The following C1orf53 variants were observed in gnomAD, a reference collection of about 807,000 sequenced individuals.
The protein encoded by C1orf53 is chromosome 1 open reading frame 53.
In C1orf53, 23 loss-of-function variants were observed where a neutral mutation model predicts 17.5. The observed-to-expected ratio is 1.31, with a 90% confidence interval of 0.94 to 1.86. The LOEUF (loss-of-function observed/expected upper bound fraction) is 1.86, where lower values mean the gene tolerates loss of function less well. Among genes scored for constraint, C1orf53 ranks in the 40% most tolerant of loss-of-function variants. C1orf53 has a pLI of 0.00. For synonymous variants in C1orf53, 108 were observed against 81.9 expected, an observed-to-expected ratio of 1.32 and a Z score of -1.72; for missense variants, 255 against 193.2, an observed-to-expected ratio of 1.32 and a Z score of -1.89.
chr1:197,905,635 T>A, intron 1 of C1orf53, 161 bp from the exon 2 acceptor site: 1 of 595,924 alleles, frequency 1.7e-6, no homozygotes, highest in Non-Finnish European at 3.0e-6. Context: ...TGTATAATGC[T>A]GGAGTGCATT....
intron 1 of C1orf53, among the ~76,000 whole-genome samples, chr1:197,905,063 C>T (rs1659502335): frequency 6.6e-6 from 1 of 152,168 alleles, no homozygotes; most frequent in African/African-American, 2.4e-5. Context: ...TTACTTTTCC[C>T]TTCCCACAAA....
chr1:197,906,060 T>C (rs1269521405), intron 2 of C1orf53, among the ~76,000 whole-genome samples, 163 bp downstream of exon 2: 1 of 152,218 alleles, frequency 6.6e-6, no homozygotes, highest in Admixed American at 6.5e-5. Context: ...AGTACCAACA[T>C]AGGACTTTTA....
chr1:197,905,884 C>G lies in C1orf53; in HGVS notation c.353C>G (p.Ser118Cys). 6.2e-7 allele frequency: 1 copy of G among 1,613,384 alleles called. No individual in the cohort carries two copies. The highest frequency in any genetic ancestry group is 1.7e-4 in the Middle Eastern group (1 of 6,058). Reference protein sequence around the residue: ...AHLQRGECCGSACRHCPYGQV... With the variant: ...AHLQRGECCGCACRHCPYGQV... ...TTGCAAAGAGGTGAATGTTGTGGCT[C>G]TGCGTGCAGACATGTGAGTAGCAAT... The change falls in exon 2 of 3, where the codon TCT becomes TGT. Residue 118 changes from serine to cysteine, a missense_variant. Ser to Cys is a moderately radical substitution (Grantham distance 112, BLOSUM62 -1). Transcript: ENST00000367393.
Position 197,907,143 on chromosome 1 carries a change from C to T in C1orf53, c.367-6C>T. The T allele has an allele frequency of 1.3e-6, 2 of 1,508,568 alleles. No individual in the cohort carries two copies. Among genetic ancestry groups the T allele is most frequent in the South Asian group, 1.2e-5 (1 of 82,776 alleles). 93.4% of individuals were successfully genotyped at this position (1,508,568 alleles called of 1,614,324 possible). On this transcript the variant is annotated splice_polypyrimidine_tract_variant and splice_region_variant and intron_variant, in intron 2 of 2. Coordinates refer to ENST00000367393, the MANE Select transcript of C1orf53 (RefSeq NM_001024594.3). ...TTAATAATAATTTGTTTTATTTCTTCTGCAGTGTCCATATGGTCAAGTCAA... is the reference window on the plus strand; with the variant it reads ...TTAATAATAATTTGTTTTATTTCTTTTGCAGTGTCCATATGGTCAAGTCAA...
Position 197,902,925 on chromosome 1 carries a change from T to G in C1orf53, c.264+12T>G. ...CTGCCGCCTGCGCGGTGAGACTCCC[T>G]CCTGCCCGCCCCGCCCCGCCGCGGC... On this transcript the variant is annotated intron_variant, in intron 1 of 2. Coordinates refer to ENST00000367393, the MANE Select transcript of C1orf53 (RefSeq NM_001024594.3). 7.2e-7 allele frequency: 1 copy of G among 1,381,504 alleles called. No homozygotes were observed. Among genetic ancestry groups the G allele is most frequent in the South Asian group, 1.7e-5 (1 of 60,486 alleles). 85.6% of individuals were successfully genotyped at this position (1,381,504 alleles called of 1,614,324 possible). A position where few individuals can be genotyped will look rare whatever the true frequency, so the allele number is the denominator to read the frequency against.
In C1orf53 at chr1:197,902,741, C is replaced by T; in HGVS notation, c.92C>T (p.Ala31Val). ...CCGCCAGCACCTCTCTGGGTAAGAG[C>T]TGGGTTCCGACAGCAGCTCAGCTTA... ...APPPAPLWVR[A>V]GFRQQLSLTL... Residue 31 changes from alanine to valine, a missense_variant, in exon 1 of 3, where the codon GCT (alanine) becomes GTT (valine). By Grantham distance (64) the Ala-to-Val change is moderately conservative. Coordinates refer to ENST00000367393, the MANE Select transcript of C1orf53 (RefSeq NM_001024594.3). The T allele has an allele frequency of 6.4e-7, 1 of 1,565,982 alleles. No homozygotes were observed. Among genetic ancestry groups the T allele is most frequent in the Admixed American group, 1.8e-5 (1 of 55,860 alleles).
chr1:197,906,352 C>T (rs187835384), intron 2 of C1orf53, among the ~76,000 whole-genome samples: 233 of 151,762 alleles, frequency 1.5e-3, no homozygotes, highest in African/African-American at 5.5e-3. Flanking sequence ...TCCTTCCCTC[C>T]CTCCCTTTTT....
rs1446147545 is a variant in C1orf53 at position 197,907,328 on chromosome 1, T to C, written c.*108T>C. The C allele has an allele frequency of 7.5e-6, 4 of 533,132 alleles. No individual in the cohort carries two copies. In the African/African-American group the frequency reaches 8.0e-5, roughly 11 times the overall value. The allele number at this position is 533,132 out of a possible 1,614,324, so 33.0% of individuals were successfully genotyped here. On this transcript the variant is annotated 3_prime_UTR_variant, in exon 3 of 3. Coordinates refer to ENST00000367393, the MANE Select transcript of C1orf53 (RefSeq NM_001024594.3). Reference sequence around the variant, plus strand: ...ACTTGAACACTAGTTTAATCCTAAATACATATATTAAAAGAACATCAATAA... The same window carrying C: ...ACTTGAACACTAGTTTAATCCTAAACACATATATTAAAAGAACATCAATAA...
chr1:197,902,984 C>G (rs192916279), intron 1 of C1orf53, 71 bp downstream of exon 1: 1 of 1,280,088 alleles, frequency 7.8e-7, no homozygotes, highest in Non-Finnish European at 9.9e-7. Context: ...GCATCCCGGG[C>G]CTCTCCGGAC....
chr1:197,906,180 A>G (rs1659521376), intron 2 of C1orf53, among the ~76,000 whole-genome samples: 1 of 152,206 alleles, frequency 6.6e-6, no homozygotes, highest in Non-Finnish European at 1.5e-5. Context: ...ATGGGGTTTC[A>G]AATAAGTTGT....
chr1:197,904,050 A>G (rs757832519), intron 1 of C1orf53, among the ~76,000 whole-genome samples: 10 of 152,236 alleles, frequency 6.6e-5, no homozygotes, highest in African/African-American at 1.4e-4. Context: ...GGAAATTCAC[A>G]TTTGTTTCAT....
At chr1:197,903,986 A>G (rs1659481312) in intron 1 of C1orf53, among the ~76,000 whole-genome samples, 1 of 152,196 alleles carries the variant, frequency 6.6e-6, no homozygotes. Flanking sequence ...CACCAGTATC[A>G]TGTGAAGAAA....
intron 1 of C1orf53, 42 bp downstream of exon 1, chr1:197,902,955 C>A: frequency 7.5e-7 from 1 of 1,333,566 alleles, no homozygotes; most frequent in South Asian, 2.0e-5. Flanking sequence ...CGCGGCCGCC[C>A]CGGGCTCGGC....
Position 197,902,899 on chromosome 1 carries a change from G to T in C1orf53, c.250G>T (p.Ala84Ser). ...GGAGCGACAGATCGCGGAGCTGCAC[G>T]CTGCCGCCTGCGCGGTGAGACTCCC... ...AAERQIAELH[A>S]AACAAGQLNY... Residue 84 changes from alanine (A) to serine (S), a missense_variant, in exon 1 of 3, where the codon GCT becomes TCT. Ala to Ser is a moderately conservative substitution (Grantham distance 99, BLOSUM62 1). Transcript: ENST00000367393. 1 of 1,476,112 alleles carries T rather than the reference G, an allele frequency of 6.8e-7. No individual in the cohort carries two copies. 91.4% of individuals were successfully genotyped at this position (1,476,112 alleles called of 1,614,324 possible). A position where few individuals can be genotyped will look rare whatever the true frequency, so the allele number is the denominator to read the frequency against.
intron 1 of C1orf53, among the ~76,000 whole-genome samples, chr1:197,903,814 A>C (rs541407987): frequency 2.0e-5 from 3 of 152,222 alleles, no homozygotes; most frequent in Admixed American, 1.3e-4. Flanking sequence ...TGACCCATTC[A>C]AGTGCTGAAA....
At chr1:197,903,063 G>A in intron 1 of C1orf53, 150 bp downstream of exon 1, 2 of 666,704 alleles carry the variant, frequency 3.0e-6, no homozygotes, top group Non-Finnish European at 4.3e-6. Flanking sequence ...CGACATTCGC[G>A]CACGCACACG....
rs771361126 is a variant in C1orf53, at chr1:197,905,860, T to G, written c.329T>G (p.Leu110Trp). The G allele has an allele frequency of 1.2e-6, 2 of 1,613,998 alleles. No individual in the cohort carries two copies. The highest frequency in any genetic ancestry group is 1.7e-6 in the Non-Finnish European group (2 of 1,179,860). ...GYVVLTQIAH[L>W]QRGECCGSAC... The stretch of plus-strand genomic sequence containing the variant: ...GTGGTGCTCACACAGATTGCCCACT[T>G]GCAAAGAGGTGAATGTTGTGGCTCT... Residue 110 changes from leucine to tryptophan, a missense_variant, in exon 2 of 3, where the codon TTG becomes TGG. Leu to Trp is a moderately conservative substitution (Grantham distance 61, BLOSUM62 -2). Transcript: ENST00000367393.
rs568527609 is a variant in C1orf53, at chr1:197,902,770, C to T, written c.121C>T (p.Leu41Phe). 1.3e-6 allele frequency: 2 copies of T among 1,578,538 alleles called. No homozygotes were observed. Among genetic ancestry groups the T allele is most frequent in the East Asian group, 2.4e-5 (1 of 42,102 alleles). Residue 41 changes from leucine to phenylalanine, a missense_variant, in exon 1 of 3, where the codon CTC becomes TTC. By Grantham distance (22) the Leu-to-Phe change is conservative. Coordinates refer to ENST00000367393, the MANE Select transcript of C1orf53 (RefSeq NM_001024594.3). ...AGFRQQLSLT[L>F]CPANEGNCGG... is the part of the protein sequence containing the mutation. ...GTTCCGACAGCAGCTCAGCTTAACCCTCTGCCCTGCTAACGAGGGAAACTG... is the reference window on the plus strand; with the variant it reads ...GTTCCGACAGCAGCTCAGCTTAACCTTCTGCCCTGCTAACGAGGGAAACTG...
intron 1 of C1orf53, among the ~76,000 whole-genome samples, chr1:197,904,269 CTTGCTTCATCT>C (rs1225686952): frequency 1.3e-5 from 2 of 152,210 alleles, no homozygotes; most frequent in African/African-American, 4.8e-5. Flanking sequence ...TGTCAGCACC[CTTGCTTCATCT>C]TTGTCTGTGG....
Sources: allele counts gnomAD v4.1 joint callset (sites outside exome capture counted in the v4.1 genomes callset), GRCh38; gene constraint gnomAD v4.1.1; transcripts MANE v1.5; gene names NCBI Gene and HGNC (gene_info 2026-07-23, HGNC 2026-07-21).